The following ZNF99 variants were observed in gnomAD, a reference collection of about 807,000 sequenced individuals.
ZNF99 encodes zinc finger protein 99, also known as zinc finger protein ENSP00000375192.
ZNF99 carries 8 observed loss-of-function variants against 12.8 expected under a neutral mutation model. The observed-to-expected ratio is 0.62, with a 90% CI of 0.37 to 1.13. The LOEUF (loss-of-function observed/expected upper bound fraction) is 1.13, where lower values mean the gene tolerates loss of function less well. ZNF99 is among the 50% of genes most tolerant of loss of function. The probability of loss-of-function intolerance (pLI) is 0.02; values close to 1 mark genes in which losing one functional copy is unlikely to be tolerated. For synonymous variants in ZNF99, 318 were observed against 319.0 expected (o/e 1.00, Z 0.03); for missense variants, 1,007 against 1,006.2 (o/e 1.00, Z -0.01).
Position 22,769,347 on chromosome 19 carries a change from A to G in ZNF99, c.4-23T>C, listed in dbSNP as rs749707174. The G allele has an allele frequency of 4.4e-6, 7 of 1,588,294 alleles. No individual in the cohort carries two copies. In the South Asian group the frequency reaches 4.5e-5, roughly 10 times the overall value. On this transcript the variant is annotated intron_variant, in intron 1 of 3. Coordinates refer to ENST00000596209, the MANE Select transcript of ZNF99 (RefSeq NM_001080409.3). ...TCCCTGAAAAACACAACAAAGATAC[A>G]TATAGATTTCCCAATTGGCCATGGA...
At chr19:22,769,916 C>T in intron 1 of ZNF99, 3 of 1,361,544 alleles carry the variant, frequency 2.2e-6, no homozygotes, top group Non-Finnish European at 2.9e-6. Context: ...ATAACATGTA[C>T]ATTTTTGAGT....
chr19:22,779,817 C>T (rs1973368225), intron 1 of ZNF99, among the ~76,000 whole-genome samples: 1 of 152,216 alleles, frequency 6.6e-6, no homozygotes, highest in African/African-American at 2.4e-5. Flanking sequence ...AGGCCCTTGT[C>T]TGCCTAAACT....
chr19:22,754,935 G>A lies in ZNF99; in HGVS notation c.*2379C>T. On this transcript the variant is annotated 3_prime_UTR_variant, in exon 4 of 4. Transcript: ENST00000596209. The stretch of plus-strand genomic sequence containing the variant: ...AAATACAAAATTAGGTGGGCGTGGT[G>A]GCACATGCCTATAGTCCCTGCTACT... The A allele has an allele frequency of 5.8e-6, 1 of 173,844 alleles. No homozygotes were observed. The highest frequency in any genetic ancestry group is 1.2e-5 in the Non-Finnish European group (1 of 82,048). 10.8% of individuals were successfully genotyped at this position (173,844 alleles called of 1,614,324 possible).
rs754387417 is a variant in ZNF99 at position 22,756,556 on chromosome 19, T to A, written c.*758A>T. 5 of 1,597,992 alleles carry A rather than the reference T, an allele frequency of 3.1e-6. No individual in the cohort carries two copies. The Admixed American group carries it at 8.4e-5, about 27-fold the overall frequency. ...ACATTTGTAGGGTTTCTCTCCAGTA[T>A]GAATTGATTTATGTTTAGTAAGGTG... On this transcript the variant is annotated 3_prime_UTR_variant, in exon 4 of 4. Transcript: ENST00000596209.
intron 3 of ZNF99, among the ~76,000 whole-genome samples, chr19:22,762,525 C>T (rs1973160989): frequency 6.6e-6 from 1 of 151,922 alleles, no homozygotes; most frequent in Admixed American, 6.6e-5. Context: ...ATGTCTAGGA[C>T]CAGACAGTAT....
At position 22,753,996 on chromosome 19, in the gene ZNF99, G is replaced by A. The variant is rs1365994247; in HGVS notation, c.*3318C>T. ...TTAGAAAAGTTTAAGGTGTTCTCAA[G>A]AGCACTGTCATGTCTTTTAGGTTTG... On this transcript the variant is annotated 3_prime_UTR_variant, in exon 4 of 4. Coordinates refer to ENST00000596209, the MANE Select transcript of ZNF99 (RefSeq NM_001080409.3). 2.2e-6 allele frequency: 1 copy of A among 455,852 alleles called. No individual in the cohort carries two copies. The highest frequency in any genetic ancestry group is 7.0e-5 in the East Asian group (1 of 14,376). 28.2% of individuals were successfully genotyped at this position (455,852 alleles called of 1,614,324 possible).
Position 22,773,190 on chromosome 19 carries a change from G to GAT in ZNF99, c.4-3868_4-3867dup, listed in dbSNP as rs550040408. Among the ~76,000 whole-genome samples, 445 of 152,332 alleles carry GAT rather than the reference G, an allele frequency of 2.9e-3. 2 individuals carry two copies. The highest frequency in any genetic ancestry group is 4.6e-3 in the Non-Finnish European group (311 of 68,030). On this transcript the variant is annotated intron_variant, in intron 1 of 3. Coordinates refer to ENST00000596209, the MANE Select transcript of ZNF99 (RefSeq NM_001080409.3). ...TTTGCAGCACAATTGTGAGTTGAAT[G>GAT]ATAGCCTGAGAGGGAAAGTTTCCTC...
rs1230033511 is a variant in ZNF99, at chr19:22,759,072, A to T, written c.837T>A (p.His279Gln). Residue 279 changes from histidine (H) to glutamine (Q), a missense_variant, in exon 4 of 4, where the codon CAT becomes CAA. Transcript: ENST00000596209. ...SSTLMKHKII[H>Q]TGKKPYKCEE... ...CACATTTATATGGTTTCTTCCCAGTATGAATTATCTTATGTTTCATAAGGG... is the reference window on the plus strand; with the variant it reads ...CACATTTATATGGTTTCTTCCCAGTTTGAATTATCTTATGTTTCATAAGGG... The T allele has an allele frequency of 3.1e-6, 5 of 1,613,682 alleles. No homozygotes were observed. In the East Asian group the frequency reaches 1.1e-4, roughly 36 times the overall value.
At position 22,754,676 on chromosome 19, in the gene ZNF99, A is replaced by G. The variant is rs1246372518; in HGVS notation, c.*2638T>C. 2.5e-5 allele frequency: 8 copies of G among 324,744 alleles called. No individual in the cohort carries two copies. Among genetic ancestry groups the G allele is most frequent in the Middle Eastern group, 7.0e-4 (1 of 1,426 alleles). 20.1% of individuals were successfully genotyped at this position (324,744 alleles called of 1,614,324 possible). On this transcript the variant is annotated 3_prime_UTR_variant, in exon 4 of 4. Transcript: ENST00000596209. ...CATATTTGTAGGGCTAGTTTCCATT[A>G]TGAATTATCTTATGTTCAGTAAGGT...
chr19:22,759,800 A>T (rs1973130759), intron 3 of ZNF99, 118 bp from the exon 4 acceptor site: 14 of 668,848 alleles, frequency 2.1e-5, no homozygotes. Flanking sequence ...GCAAAATAAG[A>T]CAGGCCCTAA....
intron 1 of ZNF99, among the ~76,000 whole-genome samples, chr19:22,775,051 T>TA (rs1405921014): frequency 6.6e-6 from 1 of 152,056 alleles, no homozygotes; most frequent in Non-Finnish European, 1.5e-5. Flanking sequence ...AACAGAACTA[T>TA]AAAAAACTAT....
In ZNF99 at chr19:22,776,820, G is replaced by A. The variant is rs189420912; in HGVS notation, c.3+7194C>T. On this transcript the variant is annotated intron_variant, in intron 1 of 3. Coordinates refer to ENST00000596209, the MANE Select transcript of ZNF99 (RefSeq NM_001080409.3). ...CAATAGCAAAGACATGGAATCAACC[G>A]AAATGCCTATCAATGGTAAACTGGA... Among the ~76,000 whole-genome samples, 666 of 141,878 alleles carry A rather than the reference G, an allele frequency of 4.7e-3. 8 individuals carry two copies. Among genetic ancestry groups the A allele is most frequent in the African/African-American group, 0.016 (632 of 38,956 alleles). 93.1% of individuals were successfully genotyped at this position (141,878 alleles called of 152,430 possible).
At chr19:22,759,993 G>A (rs956490693) in intron 3 of ZNF99, among the ~76,000 whole-genome samples, 4 of 152,092 alleles carry the variant, frequency 2.6e-5, no homozygotes, top group African/African-American at 9.7e-5. Context: ...AAAATGACAT[G>A]GTGTCGTTAG....
chr19:22,759,189 G>A lies in ZNF99; in HGVS notation c.720C>T (p.Ile240=), dbSNP rs1394616324. 3.8e-6 allele frequency: 6 copies of A among 1,585,028 alleles called. No homozygotes were observed. The South Asian group carries it at 5.6e-5, about 15-fold the overall frequency. The part of the protein sequence containing the change: ...KYKKCGKAFN[I]SSMFTKCKII... ...TCTTACATTTAGTGAACATTGAAGA[G>A]ATGTTAAAAGCTTTGCCACATTTCT... is the stretch of plus-strand genomic sequence containing the variant. The change falls in exon 4 of 4, where the codon ATC becomes ATT. Residue 240 remains isoleucine, a synonymous_variant. Transcript: ENST00000596209.
intron 3 of ZNF99, among the ~76,000 whole-genome samples, chr19:22,766,808 C>T (rs751895286): frequency 1.4e-4 from 21 of 151,518 alleles, no homozygotes; most frequent in Non-Finnish European, 3.1e-4. Context: ...TGCGCCACCA[C>T]GCCCGGCTAA....
intron 1 of ZNF99, among the ~76,000 whole-genome samples, chr19:22,783,397 A>C (rs1973412752): frequency 6.6e-6 from 1 of 152,150 alleles, no homozygotes; most frequent in Non-Finnish European, 1.5e-5. Flanking sequence ...ACCTCTGATT[A>C]TATAAACGGG....
chr19:22,768,241 C>G (rs1973226080), intron 3 of ZNF99, 64 bp downstream of exon 3: 1 of 1,547,720 alleles, frequency 6.5e-7, no homozygotes, highest in African/African-American at 1.4e-5. Flanking sequence ...ATTTTGAGAA[C>G]TGGCTTTCTC....
At chr19:22,767,333 T>C (rs1973215918) in intron 3 of ZNF99, among the ~76,000 whole-genome samples, 1 of 152,092 alleles carries the variant, frequency 6.6e-6, no homozygotes, top group African/African-American at 2.4e-5. Flanking sequence ...CCTGAGTGGC[T>C]TAAGAAAAGA....
intron 1 of ZNF99, chr19:22,771,177 G>A (rs909307673): frequency 6.9e-6 from 1 of 144,892 alleles, no homozygotes; most frequent in Non-Finnish European, 1.5e-5. Flanking sequence ...AATCTCAGGT[G>A]ATCCACCCGC....
Sources: allele counts gnomAD v4.1 joint callset (sites outside exome capture counted in the v4.1 genomes callset), GRCh38; gene constraint gnomAD v4.1.1; transcripts MANE v1.5; gene names NCBI Gene and HGNC (gene_info 2026-07-23, HGNC 2026-07-21).